Variants in EXOC6 observed in about 807,000 individuals in gnomAD.
EXOC6 encodes the protein exocyst complex component 6, also known as SEC15-like 1.
In EXOC6, 60 loss-of-function variants were observed where a neutral mutation model predicts 112.5. The ratio of observed to expected loss-of-function variants is 0.53; its 90% CI spans 0.43 to 0.66. EXOC6 has a LOEUF of 0.66. Ranked by LOEUF, EXOC6 falls within the 30% of genes least tolerant of loss-of-function variation. EXOC6 has a pLI of 0.00. For synonymous variants in EXOC6, 295 were observed against 308.0 expected, an observed-to-expected ratio of 0.96 and a Z score of 0.44; for missense variants, 855 against 957.1, an observed-to-expected ratio of 0.89 and a Z score of 1.41.
At chr10:92,855,769 G>A (rs970205020) in intron 1 of EXOC6, among the ~76,000 whole-genome samples, 2 of 151,562 alleles carry the variant, frequency 1.3e-5, no homozygotes, top group African/African-American at 4.8e-5. Flanking sequence ...TTGAGTCTTT[G>A]TTTTTGCTTG....
intron 17 of EXOC6, among the ~76,000 whole-genome samples, chr10:92,971,603 T>G (rs1167236200): frequency 6.6e-6 from 1 of 151,086 alleles, no homozygotes; most frequent in Non-Finnish European, 1.5e-5. Flanking sequence ...CTCGAACTCT[T>G]GACCTCAGAT....
intron 1 of EXOC6, among the ~76,000 whole-genome samples, chr10:92,839,505 A>G (rs1348136929): frequency 6.6e-6 from 1 of 152,204 alleles, no homozygotes; most frequent in Non-Finnish European, 1.5e-5. Flanking sequence ...CTGATAAATT[A>G]GTGACGGTAG....
chr10:93,053,164 GTTTCCCC>G (rs2134381083), intron 20 of EXOC6, among the ~76,000 whole-genome samples: 1 of 152,298 alleles, frequency 6.6e-6, no homozygotes, highest in African/African-American at 2.4e-5. Flanking sequence ...CAACACCCCA[GTTTCCCC>G]TTTTCTACCC....
At chr10:92,847,799 C>T (rs1198277313), upstream of EXOC6, among the ~76,000 whole-genome samples, 1 of 148,074 alleles carries the variant, frequency 6.8e-6, no homozygotes, top group Non-Finnish European at 1.5e-5. Flanking sequence ...CACCTGAGTT[C>T]ACGGACTTTG....
intron 1 of EXOC6, among the ~76,000 whole-genome samples, chr10:92,877,147 G>C (rs1211479895): frequency 6.6e-6 from 1 of 152,192 alleles, no homozygotes; most frequent in East Asian, 1.9e-4. Flanking sequence ...TTGTGCAGGA[G>C]CTTAATTTCA....
chr10:93,056,366 A>G (rs1237840941), intron 20 of EXOC6, among the ~76,000 whole-genome samples: 1 of 152,208 alleles, frequency 6.6e-6, no homozygotes, highest in East Asian at 1.9e-4. Context: ...CCCTCATTTC[A>G]TAATACTACA....
At chr10:92,869,755 C>G (rs760670943) in intron 1 of EXOC6, among the ~76,000 whole-genome samples, 1 of 152,006 alleles carries the variant, frequency 6.6e-6, no homozygotes, top group Non-Finnish European at 1.5e-5. Flanking sequence ...TTTTCAGTTA[C>G]GTAATCATAT....
In EXOC6 at chr10:92,950,669, A is replaced by C. The variant is rs979609091; in HGVS notation, c.1417-1604A>C. 3.3e-5 allele frequency among the ~76,000 whole-genome samples: 5 copies of C among 152,360 alleles called. 1 individual carries two copies. The South Asian group carries it at 1.0e-3, about 32-fold the overall frequency. On this transcript the variant is annotated intron_variant, in intron 14 of 21. Transcript: ENST00000260762. ...ACAAGAGATGAAGCTCAAGAGATGT[A>C]AATTGGAGAAGTAGAAAGGACCAGA...
chr10:92,853,254 CTAAG>C (rs1364721538), intron 1 of EXOC6, among the ~76,000 whole-genome samples: 2 of 152,084 alleles, frequency 1.3e-5, no homozygotes. Context: ...TGATACTAAA[CTAAG>C]TAAGTGGACA....
chr10:92,916,113 C>T (rs541566976), intron 7 of EXOC6, 200 bp downstream of exon 7: 24 of 408,554 alleles, frequency 5.9e-5, no homozygotes, highest in Middle Eastern at 6.8e-4. Flanking sequence ...CTGTCATGGA[C>T]GATTAGCCTG....
chr10:92,991,256 T>C (rs1843228342), intron 18 of EXOC6, among the ~76,000 whole-genome samples: 1 of 151,264 alleles, frequency 6.6e-6, no homozygotes, highest in African/African-American at 2.4e-5. Context: ...GCCAATATGG[T>C]GACACCCCGT....
At chr10:92,952,528 T>A in intron 15 of EXOC6, 146 bp downstream of exon 15, 1 of 638,916 alleles carries the variant, frequency 1.6e-6, no homozygotes. Context: ...TGTGTAATGC[T>A]GAGATTTGGG....
At chr10:92,920,284 C>G (rs956077784) in intron 8 of EXOC6, among the ~76,000 whole-genome samples, 3 of 152,024 alleles carry the variant, frequency 2.0e-5, no homozygotes, top group Non-Finnish European at 4.4e-5. Flanking sequence ...TCCATTTCTC[C>G]CTATTGCCTT....
intron 1 of EXOC6, among the ~76,000 whole-genome samples, chr10:92,889,840 C>G (rs938258600): frequency 2.0e-4 from 30 of 151,998 alleles, no homozygotes; most frequent in Admixed American, 4.6e-4. Flanking sequence ...GTCTCAAACT[C>G]CTGGGCTCAA....
chr10:93,054,660 G>A (rs1340085497), intron 20 of EXOC6, among the ~76,000 whole-genome samples: 2 of 152,202 alleles, frequency 1.3e-5, no homozygotes, highest in African/African-American at 4.8e-5. Flanking sequence ...TTCACAGTTG[G>A]AGTTGGTGCG....
Position 92,871,637 on chromosome 10 carries a change from T to C in EXOC6, c.102-21712T>C, listed in dbSNP as rs529083051. Among the ~76,000 whole-genome samples the C allele has an allele frequency of 5.9e-5, 9 of 152,016 alleles. No individual in the cohort carries two copies. The South Asian group carries it at 1.9e-3, about 32-fold the overall frequency. ...GCCTGGCCAACGTGATGAAACCCTG[T>C]CTCTACTAAAAATACAAAAATTAGC... is the stretch of plus-strand genomic sequence containing the variant. On this transcript the variant is annotated intron_variant, in intron 1 of 21. Transcript: ENST00000260762.
intron 20 of EXOC6, among the ~76,000 whole-genome samples, chr10:93,023,979 A>G (rs994865630): frequency 5.3e-5 from 8 of 152,204 alleles, no homozygotes; most frequent in Non-Finnish European, 1.0e-4. Context: ...CTTTTTAAAT[A>G]TAGCCATTTT....
At chr10:93,033,213 G>A (rs1845350808) in intron 20 of EXOC6, among the ~76,000 whole-genome samples, 1 of 152,092 alleles carries the variant, frequency 6.6e-6, no homozygotes, top group South Asian at 2.1e-4. Context: ...GATTTAAAAG[G>A]GACAAAATTA....
Position 92,899,585 on chromosome 10 carries a change from AT to A in EXOC6, c.413-8del, listed in dbSNP as rs765232763. 1.9e-6 allele frequency: 3 copies of A among 1,562,520 alleles called. No individual in the cohort carries two copies. The highest frequency in any genetic ancestry group is 2.6e-6 in the Non-Finnish European group (3 of 1,151,396). On this transcript the variant is annotated splice_polypyrimidine_tract_variant and intron_variant, in intron 4 of 21. Transcript: ENST00000260762. ...TTCATTTTGAAAGCTAAAATGTTAT[AT>A]TTTTTAATGCAGTGCTAGAAATGTA...
Sources: gnomAD v4.1 joint callset for allele counts (sites outside exome capture counted in the v4.1 genomes callset) on GRCh38, gnomAD v4.1.1 for gene constraint, MANE v1.5 for transcripts, NCBI Gene and HGNC (gene_info 2026-07-23, HGNC 2026-07-21) for gene names.